TAS1R1: variants seen among roughly 807,000 people sequenced by gnomAD.
TAS1R1 encodes the protein taste receptor type 1 member 1.
TAS1R1 carries 31 observed loss-of-function variants against 45.8 expected under a neutral mutation model. The ratio of observed to expected loss-of-function variants is 0.68; its 90% confidence interval spans 0.51 to 0.91. The LOEUF is 0.91. Ranked by LOEUF, TAS1R1 falls within the 40% of genes least tolerant of loss-of-function variation. The pLI is 0.00. For synonymous variants in TAS1R1, 437 were observed against 448.4 expected (o/e 0.97, Z 0.32); for missense variants, 1,051 against 1,063.9 (o/e 0.99, Z 0.17).
chr1:6,573,436 G>A (rs1379842465), intron 2 of TAS1R1, among the ~76,000 whole-genome samples: 2 of 151,960 alleles, frequency 1.3e-5, no homozygotes, highest in East Asian at 1.9e-4. Flanking sequence ...CATCCTGGGC[G>A]ACAGAGCAAG....
At chr1:6,562,475 G>A (rs945253360) in intron 1 of TAS1R1, among the ~76,000 whole-genome samples, 5 of 152,108 alleles carry the variant, frequency 3.3e-5, no homozygotes, top group Non-Finnish European at 5.9e-5. Context: ...CCCAGGCCAC[G>A]GGGGTTTTAG....
Position 6,575,183 on chromosome 1 carries a change from C to T in TAS1R1, c.1051C>T (p.Pro351Ser). 1.2e-6 allele frequency: 2 copies of T among 1,608,630 alleles called. No homozygotes were observed. The highest frequency in any genetic ancestry group is 1.3e-5 in the African/African-American group (1 of 74,910). Residue 351 changes from proline (P) to serine (S), a missense_variant, in exon 3 of 6, where the codon CCT (proline) becomes TCT (serine). Transcript: ENST00000333172. ...YARADKKAPR[P>S]CHKGSWCSSN... ...CCGGGCAGACAAGAAGGCCCCTAGG[C>T]CTTGCCACAAGGGCTCCTGGTGCAG...
chr1:6,577,035 T>A lies in TAS1R1; in HGVS notation c.1559T>A (p.Val520Glu), dbSNP rs368296038. Residue 520 changes from valine to glutamate, a missense_variant, in exon 5 of 6, where the codon GTG becomes GAG. Val to Glu is a moderately radical substitution (Grantham distance 121). Transcript: ENST00000333172. ...TTCCATCACTGCTGCTTTGAGTGTGTGCCCTGTGGGGCTGGGACCTTCCTC... is the reference window on the plus strand; with the variant it reads ...TTCCATCACTGCTGCTTTGAGTGTGAGCCCTGTGGGGCTGGGACCTTCCTC... ...TGFHHCCFEC[V>E]PCGAGTFLNK... 9.7e-5 allele frequency: 157 copies of A among 1,614,118 alleles called. No homozygotes were observed. Among genetic ancestry groups the A allele is most frequent in the Non-Finnish European group, 1.4e-5 (17 of 1,180,032 alleles).
Position 6,579,145 on chromosome 1 carries a change from C to G in TAS1R1, c.2087C>G (p.Thr696Ser). 1 of 1,614,222 alleles carries G rather than the reference C, an allele frequency of 6.2e-7. No individual in the cohort carries two copies. The highest frequency in any genetic ancestry group is 8.5e-7 in the Non-Finnish European group (1 of 1,180,050). Residue 696 changes from threonine (T) to serine (S), a missense_variant, in exon 6 of 6, where the codon ACT becomes AGT. Thr to Ser is a moderately conservative substitution (Grantham distance 58). Coordinates refer to ENST00000333172, the MANE Select transcript of TAS1R1 (RefSeq NM_138697.4). Reference protein sequence around the residue: ...SSAAQLLICLTWLVVWTPLPA... With the variant: ...SSAAQLLICLSWLVVWTPLPA... ...GCGGCCCAGCTGCTTATCTGTCTAA[C>G]TTGGCTGGTGGTGTGGACCCCACTG...
At position 6,575,324 on chromosome 1, in the gene TAS1R1, C is replaced by T; in HGVS notation, c.1192C>T (p.His398Tyr). The change falls in exon 3 of 6, where the codon CAT becomes TAT. Residue 398 changes from histidine (H) to tyrosine (Y), a missense_variant. Coordinates refer to ENST00000333172, the MANE Select transcript of TAS1R1 (RefSeq NM_138697.4). Reference sequence around the variant, plus strand: ...ATACCGGGCTGTGTATGCGGTGGCCCATGGCCTCCACCAGCTCCTGGGCTG... The same window carrying T: ...ATACCGGGCTGTGTATGCGGTGGCCTATGGCCTCCACCAGCTCCTGGGCTG... ...NAYRAVYAVA[H>Y]GLHQLLGCAS... 6.2e-7 allele frequency: 1 copy of T among 1,611,436 alleles called. No individual in the cohort carries two copies. The highest frequency in any genetic ancestry group is 8.5e-7 in the Non-Finnish European group (1 of 1,179,172).
rs1217578190 is a variant in TAS1R1 at position 6,571,053 on chromosome 1, G to A, written c.336G>A (p.Val112=). 2 of 1,614,154 alleles carry A rather than the reference G, an allele frequency of 1.2e-6. No individual in the cohort carries two copies. The highest frequency in any genetic ancestry group is 3.3e-5 in the Admixed American group (2 of 60,014). Residue 112 remains valine (V), a synonymous_variant, in exon 2 of 6, where the codon GTG becomes GTA. Coordinates refer to ENST00000333172, the MANE Select transcript of TAS1R1 (RefSeq NM_138697.4). ...LYDVCSDSAN[V]YATLRVLSLP... ...ATGTGTGTTCTGACTCTGCCAATGT[G>A]TATGCCACGCTGAGAGTGCTCTCCC...
At chr1:6,570,290 G>A (rs1051479945) in intron 1 of TAS1R1, among the ~76,000 whole-genome samples, 2 of 152,072 alleles carry the variant, frequency 1.3e-5, no homozygotes, top group African/African-American at 4.8e-5. Flanking sequence ...CTGGTTGATG[G>A]GCAGATGTTA....
At chr1:6,571,565 C>T (rs189393193) in intron 2 of TAS1R1, among the ~76,000 whole-genome samples, 4 of 152,352 alleles carry the variant, frequency 2.6e-5, no homozygotes, top group South Asian at 4.1e-4. Flanking sequence ...CGCTGTGGCT[C>T]ATGCCTGTAA....
rs148038107 is a variant in TAS1R1, at chr1:6,563,517, T to C, written c.192-7392T>C. Among the ~76,000 whole-genome samples the C allele has an allele frequency of 3.5e-3, 536 of 152,314 alleles. 5 individuals are homozygous for C. The East Asian group carries it at 0.035, about 10-fold the overall frequency. The stretch of plus-strand genomic sequence containing the variant: ...CATGTCTAAAAGTTGTAAGGGGCTT[T>C]TTCCTTCATAACGGGGGTGACAGTT... On this transcript the variant is annotated intron_variant, in intron 1 of 5. Transcript: ENST00000333172.
chr1:6,557,525 A>G (rs1639706468), intron 1 of TAS1R1, among the ~76,000 whole-genome samples: 2 of 152,096 alleles, frequency 1.3e-5, no homozygotes, highest in Non-Finnish European at 2.9e-5. Context: ...CTTGGGCCTC[A>G]TTGAAGCTCA....
At chr1:6,565,324 C>G (rs1639855578) in intron 1 of TAS1R1, among the ~76,000 whole-genome samples, 1 of 151,948 alleles carries the variant, frequency 6.6e-6, no homozygotes. Flanking sequence ...GAAAGAAGAT[C>G]TTATAGATTA....
Position 6,579,087 on chromosome 1 carries a change from C to A in TAS1R1, c.2029C>A (p.His677Asn). Reference sequence around the variant, plus strand: ...ATTCTACCACGCCTGGGTCCAAAACCACGGTGCTGGCCTGTTTGTGATGAT... The same window carrying A: ...ATTCTACCACGCCTGGGTCCAAAACAACGGTGCTGGCCTGTTTGTGATGAT... ...PTFYHAWVQN[H>N]GAGLFVMISS... The change falls in exon 6 of 6, where the codon CAC becomes AAC. Residue 677 changes from histidine (H) to asparagine (N), a missense_variant. Coordinates refer to ENST00000333172, the MANE Select transcript of TAS1R1 (RefSeq NM_138697.4). 1 of 1,613,864 alleles carries A rather than the reference C, an allele frequency of 6.2e-7. No homozygotes were observed. Among genetic ancestry groups the A allele is most frequent in the South Asian group, 1.1e-5 (1 of 91,076 alleles).
chr1:6,568,056 G>A (rs1639908772), intron 1 of TAS1R1, among the ~76,000 whole-genome samples: 1 of 152,092 alleles, frequency 6.6e-6, no homozygotes, highest in Non-Finnish European at 1.5e-5. Flanking sequence ...TTGAAAGCCA[G>A]GTTAAGGAGG....
chr1:6,575,202 G>T lies in TAS1R1; in HGVS notation c.1070G>T (p.Trp357Leu). The T allele has an allele frequency of 6.2e-7, 1 of 1,611,728 alleles. No homozygotes were observed. The highest frequency in any genetic ancestry group is 8.5e-7 in the Non-Finnish European group (1 of 1,178,934). ...CCTAGGCCTTGCCACAAGGGCTCCT[G>T]GTGCAGCAGCAATCAGCTCTGCAGA... The part of the protein sequence containing the change: ...KAPRPCHKGS[W>L]CSSNQLCREC... The change falls in exon 3 of 6, where the codon TGG becomes TTG. Residue 357 changes from tryptophan to leucine, a missense_variant. Trp to Leu is a moderately conservative substitution (Grantham distance 61). Coordinates refer to ENST00000333172, the MANE Select transcript of TAS1R1 (RefSeq NM_138697.4).
intron 1 of TAS1R1, among the ~76,000 whole-genome samples, chr1:6,561,940 T>A (rs1639797058): frequency 6.6e-6 from 1 of 152,010 alleles, no homozygotes; most frequent in Non-Finnish European, 1.5e-5. Flanking sequence ...CCAACTGTAG[T>A]ATGGAGGCTG....
rs748712453 is a variant in TAS1R1 at position 6,579,029 on chromosome 1, C to G, written c.1971C>G (p.Ile657Met). The change falls in exon 6 of 6, where the codon ATC becomes ATG. Residue 657 changes from isoleucine (I) to methionine (M), a missense_variant. Transcript: ENST00000333172. ...SCLTVRSFQL[I>M]IIFKFSTKVP... ...TGACAGTTCGCTCATTCCAACTAAT[C>G]ATCATCTTCAAGTTTTCCACCAAGG... 1.9e-6 allele frequency: 3 copies of G among 1,613,338 alleles called. No homozygotes were observed. Among genetic ancestry groups the G allele is most frequent in the Non-Finnish European group, 2.5e-6 (3 of 1,179,384 alleles).
chr1:6,560,238 C>A (rs10157237), intron 1 of TAS1R1, among the ~76,000 whole-genome samples: 3 of 152,274 alleles, frequency 2.0e-5, no homozygotes, highest in East Asian at 1.9e-4. Flanking sequence ...CAGAGGTTGC[C>A]GTAAGCCGAG....
At position 6,575,010 on chromosome 1, in the gene TAS1R1, C is replaced by G. The variant is rs1403211017; in HGVS notation, c.878C>G (p.Thr293Ser). The change falls in exon 3 of 6, where the codon ACT becomes AGT. Residue 293 changes from threonine to serine, a missense_variant. Transcript: ENST00000333172. ...FFESVVLTNLTGKVWVASEAW... is the reference protein window; with the variant it reads ...FFESVVLTNLSGKVWVASEAW... ...GAGTCCGTGGTGCTGACCAACCTGA[C>G]TGGCAAGGTGTGGGTCGCCTCAGAA... The G allele has an allele frequency of 1.4e-5, 23 of 1,590,234 alleles. No homozygotes were observed. Among genetic ancestry groups the G allele is most frequent in the African/African-American group, 4.0e-5 (3 of 74,524 alleles).
chr1:6,570,169 A>C (rs1397254205), intron 1 of TAS1R1, among the ~76,000 whole-genome samples: 1 of 151,996 alleles, frequency 6.6e-6, no homozygotes, highest in Non-Finnish European at 1.5e-5. Flanking sequence ...AAGTTTATTA[A>C]CCTGCTGGGC....
Sources: allele counts gnomAD v4.1 joint callset (sites outside exome capture counted in the v4.1 genomes callset), GRCh38; gene constraint gnomAD v4.1.1; transcripts MANE v1.5; gene names NCBI Gene and HGNC (gene_info 2026-07-23, HGNC 2026-07-21).